The following UNC5C variants were observed in gnomAD, a reference collection of about 807,000 sequenced individuals.
UNC5C encodes netrin receptor UNC5C.
UNC5C carries 47 observed loss-of-function variants against 99.8 expected under a neutral mutation model. That is an observed-to-expected ratio of 0.47 (90% CI 0.37 to 0.60). UNC5C has a LOEUF of 0.60. Ranked by LOEUF, UNC5C falls within the 20% of genes least tolerant of loss-of-function variation. The pLI is 0.00. For synonymous variants in UNC5C, 487 were observed against 452.2 expected, an observed-to-expected ratio of 1.08 and a Z score of -0.98; for missense variants, 1,062 against 1,165.9, an observed-to-expected ratio of 0.91 and a Z score of 1.30.
chr4:95,534,890 A>G (rs1322940898), intron 1 of UNC5C, among the ~76,000 whole-genome samples: 1 of 152,122 alleles, frequency 6.6e-6, no homozygotes, highest in African/African-American at 2.4e-5. Context: ...GTATCAGTAA[A>G]GACTTCGTTG....
chr4:95,228,045 G>T (rs1400778713), intron 7 of UNC5C, among the ~76,000 whole-genome samples: 1 of 152,176 alleles, frequency 6.6e-6, no homozygotes, highest in Non-Finnish European at 1.5e-5. Flanking sequence ...AAGAGAGCAA[G>T]AGAGCTTTCC....
chr4:95,305,551 TG>T (rs1396442739), intron 2 of UNC5C, among the ~76,000 whole-genome samples: 1 of 152,156 alleles, frequency 6.6e-6, no homozygotes, highest in Non-Finnish European at 1.5e-5. Flanking sequence ...TATTTAAGGG[TG>T]GGGGAAATGC....
chr4:95,508,527 G>C (rs538477848), intron 1 of UNC5C, among the ~76,000 whole-genome samples: 1 of 151,828 alleles, frequency 6.6e-6, no homozygotes, highest in Non-Finnish European at 1.5e-5. Flanking sequence ...CTCCAGACAG[G>C]CTGAACTAAA....
At chr4:95,420,419 C>G (rs1578152932) in intron 1 of UNC5C, among the ~76,000 whole-genome samples, 1 of 152,126 alleles carries the variant, frequency 6.6e-6, no homozygotes, top group Non-Finnish European at 1.5e-5. Context: ...TTTAACAAAT[C>G]TAATTTGTTC....
At chr4:95,331,711 A>G (rs1743119520) in intron 2 of UNC5C, among the ~76,000 whole-genome samples, 1 of 152,116 alleles carries the variant, frequency 6.6e-6, no homozygotes, top group South Asian at 2.1e-4. Context: ...TCATTGATGT[A>G]TGTAATATTA....
At chr4:95,210,938 C>T (rs1161144920) in intron 10 of UNC5C, among the ~76,000 whole-genome samples, 1 of 152,192 alleles carries the variant, frequency 6.6e-6, no homozygotes, top group Non-Finnish European at 1.5e-5. Context: ...ACCTCTTTTC[C>T]AGAAGAGGAA....
At chr4:95,311,469 C>G (rs1414922885) in intron 2 of UNC5C, among the ~76,000 whole-genome samples, 1 of 152,042 alleles carries the variant, frequency 6.6e-6, no homozygotes, top group Non-Finnish European at 1.5e-5. Context: ...AATATAATTC[C>G]TAATTATGAC....
chr4:95,495,321 T>C (rs6532561), intron 1 of UNC5C, among the ~76,000 whole-genome samples: 123,094 of 151,248 alleles, frequency 0.81, 50,189 homozygotes, highest in South Asian at 0.87. Flanking sequence ...GTACCCAGTA[T>C]AGAGGTCAGG....
chr4:95,342,605 A>C (rs930104334), intron 1 of UNC5C, among the ~76,000 whole-genome samples: 8 of 151,728 alleles, frequency 5.3e-5, no homozygotes, highest in Non-Finnish European at 8.8e-5. Flanking sequence ...CTGTAGTGAG[A>C]ATGGACTGGG....
At chr4:95,274,533 G>C (rs1740784743) in intron 4 of UNC5C, among the ~76,000 whole-genome samples, 1 of 152,096 alleles carries the variant, frequency 6.6e-6, no homozygotes, top group Non-Finnish European at 1.5e-5. Flanking sequence ...TTATTGGAAA[G>C]GGCTTAAAGA....
chr4:95,208,115 G>A (rs1015523443), intron 10 of UNC5C, among the ~76,000 whole-genome samples: 7 of 152,088 alleles, frequency 4.6e-5, no homozygotes, highest in African/African-American at 1.7e-4. Context: ...TTAAAGTGGT[G>A]GCACCTTGAA....
At chr4:95,543,387 A>G (rs889900791) in intron 1 of UNC5C, among the ~76,000 whole-genome samples, 2 of 152,200 alleles carry the variant, frequency 1.3e-5, no homozygotes, top group Non-Finnish European at 2.9e-5. Context: ...AAACAATAAG[A>G]GTTAGATGCA....
intron 1 of UNC5C, among the ~76,000 whole-genome samples, chr4:95,522,137 C>G (rs1180830232): frequency 6.6e-6 from 1 of 151,888 alleles, no homozygotes; most frequent in Non-Finnish European, 1.5e-5. Context: ...TGACAAAAGA[C>G]ATTATTTAAA....
chr4:95,258,743 A>ACTCTTTTTTT (rs1184674099), intron 4 of UNC5C, among the ~76,000 whole-genome samples: 1 of 85,868 alleles, frequency 1.2e-5, no homozygotes, highest in African/African-American at 3.8e-5. Context: ...CGACCATCTT[A>ACTCTTTTTTT]TTCTTTTTTT....
At chr4:95,192,343 T>C (rs28702760) in intron 12 of UNC5C, among the ~76,000 whole-genome samples, 53 of 70,652 alleles carry the variant, frequency 7.5e-4, no homozygotes, top group South Asian at 1.3e-3. Flanking sequence ...CTGCTCACCT[T>C]CTCCCCTGCT....
intron 1 of UNC5C, among the ~76,000 whole-genome samples, chr4:95,441,154 G>A (rs1746940051): frequency 6.6e-6 from 1 of 152,120 alleles, no homozygotes; most frequent in Admixed American, 6.5e-5. Context: ...AAATTCAACG[G>A]TGTCTTAAAA....
intron 1 of UNC5C, among the ~76,000 whole-genome samples, chr4:95,536,346 G>A (rs949759887): frequency 1.3e-5 from 2 of 152,182 alleles, no homozygotes; most frequent in Admixed American, 1.3e-4. Flanking sequence ...AAAGTGCTAG[G>A]ATTACAGGCA....
chr4:95,236,232 C>T (rs911117423), intron 7 of UNC5C, among the ~76,000 whole-genome samples: 5 of 152,128 alleles, frequency 3.3e-5, no homozygotes, highest in African/African-American at 4.8e-5. Context: ...GGCACATATA[C>T]ACCATGGAAT....
chr4:95,330,477 C>T lies in UNC5C; in HGVS notation c.346+4933G>A, dbSNP rs554076675. Among the ~76,000 whole-genome samples, 13 of 151,980 alleles carry T rather than the reference C, an allele frequency of 8.6e-5. No homozygotes were observed. The South Asian group carries it at 2.5e-3, about 29-fold the overall frequency. On this transcript the variant is annotated intron_variant, in intron 2 of 15. Coordinates refer to ENST00000453304, the MANE Select transcript of UNC5C (RefSeq NM_003728.4). ...CTGCAAAATTTTTGATAAGTATATACCTACATGTTTTCTTTTACATAGCTA... is the reference window on the plus strand; with the variant it reads ...CTGCAAAATTTTTGATAAGTATATATCTACATGTTTTCTTTTACATAGCTA...
Sources: allele counts gnomAD v4.1 joint callset (sites outside exome capture counted in the v4.1 genomes callset), GRCh38; gene constraint gnomAD v4.1.1; transcripts MANE v1.5; gene names NCBI Gene and HGNC (gene_info 2026-07-23, HGNC 2026-07-21).